PPA2: variants seen among roughly 807,000 people sequenced by gnomAD.
PPA2 encodes inorganic pyrophosphatase 2.
Under a neutral mutation model 49.5 loss-of-function variants are expected in PPA2, and 48 were observed. The ratio of observed to expected loss-of-function variants is 0.97; its 90% CI spans 0.77 to 1.23. The LOEUF (loss-of-function observed/expected upper bound fraction) is 1.23. Among genes scored for constraint, PPA2 ranks in the 50% most tolerant of loss-of-function variants. The pLI is 0.00. For missense variants in PPA2, 429 were observed against 410.1 expected (o/e 1.05, Z -0.40); for synonymous variants, 131 against 139.9 (o/e 0.94, Z 0.45).
chr4:105,470,516 T>C (rs886467623), intron 1 of PPA2, among the ~76,000 whole-genome samples: 7 of 152,152 alleles, frequency 4.6e-5, no homozygotes, highest in Non-Finnish European at 5.9e-5. Flanking sequence ...AAAATAAAAA[T>C]AAAATGAATA....
chr4:105,421,636 AT>A (rs1723257742), intron 7 of PPA2, among the ~76,000 whole-genome samples: 1 of 152,202 alleles, frequency 6.6e-6, no homozygotes, highest in African/African-American at 2.4e-5. Flanking sequence ...GCCTACATCA[AT>A]TTTTTTCCTC....
At chr4:105,409,510 C>T (rs888712390) in intron 7 of PPA2, among the ~76,000 whole-genome samples, 3 of 152,206 alleles carry the variant, frequency 2.0e-5, no homozygotes, top group Non-Finnish European at 4.4e-5. Flanking sequence ...CTTAAATGTC[C>T]CTGTCTGATA....
chr4:105,404,687 T>C (rs1198179568), intron 7 of PPA2, among the ~76,000 whole-genome samples: 2 of 152,192 alleles, frequency 1.3e-5, no homozygotes, highest in East Asian at 1.9e-4. Context: ...TTAACAAATA[T>C]CAATCATTAT....
Position 105,473,818 on chromosome 4 carries a change from C to T in PPA2, c.157+76G>A, listed in dbSNP as rs760487617. 3 of 1,542,122 alleles carry T rather than the reference C, an allele frequency of 1.9e-6. No individual in the cohort carries two copies. In the South Asian group the frequency reaches 3.6e-5, roughly 19 times the overall value. ...AGAGAAGGGAGACCGCGCGGGGCGTCCCAAGTGTCCCCCATTCCATCCCCC... is the reference window on the plus strand; with the variant it reads ...AGAGAAGGGAGACCGCGCGGGGCGTTCCAAGTGTCCCCCATTCCATCCCCC... On this transcript the variant is annotated intron_variant, in intron 1 of 11. Transcript: ENST00000341695.
At chr4:105,462,116 G>A (rs188339756) in intron 1 of PPA2, among the ~76,000 whole-genome samples, 8 of 152,116 alleles carry the variant, frequency 5.3e-5, no homozygotes, top group East Asian at 3.9e-4. Context: ...GTACATATGC[G>A]CTACAGACAG....
chr4:105,405,929 T>C (rs1227228319), intron 7 of PPA2: 1 of 435,550 alleles, frequency 2.3e-6, no homozygotes, highest in South Asian at 1.6e-5. Flanking sequence ...TTATTGTATA[T>C]ACTGGAATAT....
intron 7 of PPA2, among the ~76,000 whole-genome samples, chr4:105,416,146 T>A (rs977186343): frequency 3.3e-5 from 5 of 152,210 alleles, no homozygotes; most frequent in Non-Finnish European, 7.3e-5. Context: ...TAAATTCACA[T>A]CTCTAAACAT....
chr4:105,469,129 C>G (rs1234145459), intron 1 of PPA2, among the ~76,000 whole-genome samples: 2 of 152,150 alleles, frequency 1.3e-5, no homozygotes, highest in East Asian at 3.8e-4. Flanking sequence ...CTTACTATCA[C>G]TTTAATAGGA....
In PPA2 at chr4:105,437,964, C is replaced by T. The variant is rs146013446; in HGVS notation, c.514G>A (p.Glu172Lys). The T allele has an allele frequency of 1.0e-3, 1,649 of 1,606,152 alleles. No individual in the cohort carries two copies. The highest frequency in any genetic ancestry group is 1.3e-3 in the Non-Finnish European group (1,495 of 1,177,710). ...FGDNDPIDVC[E>K]IGSKILSCGE... ...ATAAAACAAACCTTTGAGCCTATTT[C>T]GCAAACATCAATAGGATCATTATCT... The change falls in exon 6 of 12, where the codon GAA (glutamate) becomes AAA (lysine). Residue 172 changes from glutamate to lysine, a missense_variant. By Grantham distance (56) the Glu-to-Lys change is moderately conservative (BLOSUM62 1). Transcript: ENST00000341695.
chr4:105,370,950 A>G (rs1732999305), intron 10 of PPA2, 77 bp from the exon 11 acceptor site: 7 of 1,340,166 alleles, frequency 5.2e-6, no homozygotes, highest in Non-Finnish European at 6.9e-6. Context: ...AAGTTTTTTC[A>G]CGAAATTATA....
intron 3 of PPA2, among the ~76,000 whole-genome samples, chr4:105,450,131 C>T (rs1290147179): frequency 6.6e-6 from 1 of 151,890 alleles, no homozygotes; most frequent in Non-Finnish European, 1.5e-5. Flanking sequence ...CTACAGTTTG[C>T]CTTACAAAGA....
intron 6 of PPA2, among the ~76,000 whole-genome samples, chr4:105,435,175 T>C (rs1456286617): frequency 6.6e-6 from 1 of 152,178 alleles, no homozygotes; most frequent in African/African-American, 2.4e-5. Context: ...TTACAGCTGA[T>C]TCAACCACTC....
At chr4:105,391,075 T>C (rs552012241) in intron 9 of PPA2, among the ~76,000 whole-genome samples, 1 of 151,904 alleles carries the variant, frequency 6.6e-6, no homozygotes, top group East Asian at 2.0e-4. Context: ...CTCAGCAAAC[T>C]AATGCAGGAG....
At chr4:105,383,735 T>A (rs1733582382) in intron 10 of PPA2, among the ~76,000 whole-genome samples, 2 of 152,184 alleles carry the variant, frequency 1.3e-5, no homozygotes, top group South Asian at 2.1e-4. Flanking sequence ...CTCAAGATAA[T>A]ATTACTTAGG....
chr4:105,435,703 A>T (rs1724023361), intron 6 of PPA2, among the ~76,000 whole-genome samples: 1 of 152,176 alleles, frequency 6.6e-6, no homozygotes, highest in Admixed American at 6.5e-5. Flanking sequence ...TAAGAATAAA[A>T]ACCACATGAT....
At chr4:105,437,860 A>AATC in intron 6 of PPA2, 90 bp downstream of exon 6, 1 of 901,382 alleles carries the variant, frequency 1.1e-6, no homozygotes, top group East Asian at 2.7e-5. Context: ...TTGAACTCTG[A>AATC]AGAGTTGAAG....
chr4:105,441,045 C>T (rs895401251), intron 5 of PPA2, among the ~76,000 whole-genome samples: 3 of 152,094 alleles, frequency 2.0e-5, no homozygotes, highest in Non-Finnish European at 4.4e-5. Context: ...AGTATAACTT[C>T]AACAGGAAAG....
At chr4:105,469,200 A>G (rs1723426445) in intron 1 of PPA2, among the ~76,000 whole-genome samples, 1 of 152,142 alleles carries the variant, frequency 6.6e-6, no homozygotes, top group Non-Finnish European at 1.5e-5. Flanking sequence ...TTGCCATGGT[A>G]TTTCACTGTC....
At chr4:105,432,372 G>C (rs941834838) in intron 6 of PPA2, among the ~76,000 whole-genome samples, 3 of 152,084 alleles carry the variant, frequency 2.0e-5, no homozygotes, top group Non-Finnish European at 4.4e-5. Context: ...TCAAATTAAA[G>C]CAAAAGAACA....
Sources: gnomAD v4.1 joint callset for allele counts (sites outside exome capture counted in the v4.1 genomes callset) on GRCh38, gnomAD v4.1.1 for gene constraint, MANE v1.5 for transcripts, NCBI Gene and HGNC (gene_info 2026-07-23, HGNC 2026-07-21) for gene names.